TBX4: variants seen among roughly 807,000 people sequenced by gnomAD.
TBX4 encodes T-box transcription factor 4, also known as T-box transcription factor TBX4.
A neutral mutation model predicts 54.6 loss-of-function variants in TBX4; 13 were observed. The ratio of observed to expected loss-of-function variants is 0.24; its 90% CI spans 0.15 to 0.38. The LOEUF is 0.38. Ranked by LOEUF, TBX4 falls within the 10% of genes least tolerant of loss-of-function variation. TBX4 has a pLI of 1.00. For missense variants in TBX4, 631 were observed against 728.5 expected (o/e 0.87, Z 1.54); for synonymous variants, 314 against 306.7 (o/e 1.02, Z -0.25).
rs1165498120 is a variant in TBX4 at position 61,483,234 on chromosome 17, G to A, written c.1359G>A (p.Met453Ile). The A allele has an allele frequency of 6.2e-7, 1 of 1,614,110 alleles. No individual in the cohort carries two copies. The highest frequency in any genetic ancestry group is 2.2e-5 in the East Asian group (1 of 44,872). Residue 453 changes from methionine to isoleucine, a missense_variant, in exon 9 of 9, where the codon ATG (methionine) becomes ATA (isoleucine). By Grantham distance (10) the Met-to-Ile change is conservative. Around this residue, in one of 3 missense-constraint regions of TBX4, gnomAD observed 354 missense variants for 368.9 expected, o/e 0.96. Transcript: ENST00000644296. The surrounding 1 kb of genome is among the most constrained non-coding windows in gnomAD (Gnocchi z 6.6). Reference protein sequence around the residue: ...FPTHFTATTMMPRLPTLSAQS... With the variant: ...FPTHFTATTMIPRLPTLSAQS... ...CGCACTTCACCGCCACCACCATGATGCCGCGGCTGCCCACCCTCTCCGCTC... is the reference window on the plus strand; with the variant it reads ...CGCACTTCACCGCCACCACCATGATACCGCGGCTGCCCACCCTCTCCGCTC...
rs375329209 is a variant in TBX4, at chr17:61,465,932, A to G, written c.395A>G (p.Asn132Ser). 9.9e-6 allele frequency: 16 copies of G among 1,613,872 alleles called. No individual in the cohort carries two copies. The highest frequency in any genetic ancestry group is 1.7e-5 in the Admixed American group (1 of 60,004). ...ADDHRYKFCD[N>S]KWMVAGKAEP... ...GACCATCGCTACAAGTTCTGTGACA[A>G]CAAATGGTAAGTGGACCCTGACCGC... Residue 132 changes from asparagine (N) to serine (S), a missense_variant, in exon 4 of 9, where the codon AAC becomes AGC. This residue lies in a region of TBX4 where 154 missense variants were observed against 238.6 expected (regional missense o/e 0.65). Coordinates refer to ENST00000644296, the MANE Select transcript of TBX4 (RefSeq NM_001321120.2). The surrounding 1 kb of genome is among the most constrained non-coding windows in gnomAD (Gnocchi z 4.9).
intron 5 of TBX4, among the ~76,000 whole-genome samples, chr17:61,468,612 G>T (rs897517839): frequency 6.6e-6 from 1 of 152,214 alleles, no homozygotes; most frequent in Non-Finnish European, 1.5e-5. Flanking sequence ...TATGTAACTG[G>T]CATTGAGCTT....
In TBX4 at chr17:61,459,291, G is replaced by C. The variant is rs577305208; in HGVS notation, c.281+1660G>C. Among the ~76,000 whole-genome samples, 1 of 152,210 alleles carries C rather than the reference G, an allele frequency of 6.6e-6. No individual in the cohort carries two copies. Among genetic ancestry groups the C allele is most frequent in the South Asian group, 2.1e-4 (1 of 4,832 alleles). ...AATGGTGACCGTAGACCTATCTGCTGTCCCTTCCTTTTCTATCACTGTGAA... is the reference window on the plus strand; with the variant it reads ...AATGGTGACCGTAGACCTATCTGCTCTCCCTTCCTTTTCTATCACTGTGAA... On this transcript the variant is annotated intron_variant, in intron 3 of 8. Coordinates refer to ENST00000644296, the MANE Select transcript of TBX4 (RefSeq NM_001321120.2). The surrounding 1 kb of genome is among the most constrained non-coding windows in gnomAD (Gnocchi z 4.8).
intron 4 of TBX4, among the ~76,000 whole-genome samples, chr17:61,466,835 C>G (rs1222870166): frequency 6.6e-6 from 1 of 152,208 alleles, no homozygotes; most frequent in Non-Finnish European, 1.5e-5. Flanking sequence ...GAAGCTCCCT[C>G]TAAATAATAT....
chr17:61,453,658 A>C (rs2060428524), intron 1 of TBX4, among the ~76,000 whole-genome samples: 1 of 152,236 alleles, frequency 6.6e-6, no homozygotes, highest in Non-Finnish European at 1.5e-5. Context: ...AGTATGACAA[A>C]ATAACAAGAA....
At position 61,481,967 on chromosome 17, in the gene TBX4, A is replaced by G. The variant is rs1465131491; in HGVS notation, c.1022-930A>G. The G allele has an allele frequency of 6.6e-6, 1 of 152,288 alleles. No individual in the cohort carries two copies. The highest frequency in any genetic ancestry group is 2.4e-5 in the African/African-American group (1 of 41,438). The allele number at this position is 152,288 out of a possible 1,614,324, so 9.4% of individuals were successfully genotyped here. A position where few individuals can be genotyped will look rare whatever the true frequency, so the allele number is the denominator to read the frequency against. On this transcript the variant is annotated intron_variant, in intron 8 of 8. Coordinates refer to ENST00000644296, the MANE Select transcript of TBX4 (RefSeq NM_001321120.2). The surrounding 1 kb of genome is among the most constrained non-coding windows in gnomAD (Gnocchi z 4.8). Reference sequence around the variant, plus strand: ...TTTTTAGTAGAGATGGGGTTTCACCATGTTGATCAAGCTGGTCTCGAACTC... The same window carrying G: ...TTTTTAGTAGAGATGGGGTTTCACCGTGTTGATCAAGCTGGTCTCGAACTC...
chr17:61,463,390 TGCCGAC>T (rs938819163), intron 3 of TBX4: 29 of 152,454 alleles, frequency 1.9e-4, no homozygotes, highest in African/African-American at 6.5e-4. Flanking sequence ...CCCTTCCCTG[TGCCGAC>T]GCCCACATCT....
chr17:61,463,000 C>T lies in TBX4; in HGVS notation c.282-2819C>T, dbSNP rs984620130. 2.6e-5 allele frequency: 4 copies of T among 152,316 alleles called. No individual in the cohort carries two copies. The highest frequency in any genetic ancestry group is 9.6e-5 in the African/African-American group (4 of 41,474). The allele number at this position is 152,316 out of a possible 1,614,324, so 9.4% of individuals were successfully genotyped here. On this transcript the variant is annotated intron_variant, in intron 3 of 8. Transcript: ENST00000644296. This position sits in a 1 kb window ranked among gnomAD's most constrained non-coding sequence, Gnocchi z 4.5. ...TGCCCAAGGGGCCTTGAATTCTCCC[C>T]TCGACCTGGGCAGGAAGCCAATGGA...
rs112008276 is a variant in TBX4, at chr17:61,480,394, GCC to G, written c.1021+85_1021+86del. 0.15 allele frequency: 141,134 copies of G among 936,086 alleles called. 11,659 individuals are homozygous for G. The highest frequency in any genetic ancestry group is 0.16 in the South Asian group (11,379 of 69,724). 58.0% of individuals were successfully genotyped at this position (936,086 alleles called of 1,614,324 possible). A position where few individuals can be genotyped will look rare whatever the true frequency, so the allele number is the denominator to read the frequency against. ...GTTCTCCCCGAAACCACTCTGCAGCGCCCCCCCCCCCAACACACACACACTCA... is the reference window on the plus strand; with the variant it reads ...GTTCTCCCCGAAACCACTCTGCAGCGCCCCCCCCCAACACACACACACTCA... On this transcript the variant is annotated intron_variant, in intron 8 of 8. Coordinates refer to ENST00000644296, the MANE Select transcript of TBX4 (RefSeq NM_001321120.2). The surrounding 1 kb of genome is among the most constrained non-coding windows in gnomAD (Gnocchi z 6.2).
chr17:61,469,789 C>G (rs1470364655), intron 5 of TBX4, among the ~76,000 whole-genome samples: 3 of 152,240 alleles, frequency 2.0e-5, no homozygotes, highest in African/African-American at 4.8e-5. Context: ...TGATTTTCTT[C>G]TGCCTCTTGG....
chr17:61,457,412 C>A lies in TBX4; in HGVS notation c.187-125C>A. 1.3e-6 allele frequency: 1 copy of A among 799,660 alleles called. No homozygotes were observed. Among genetic ancestry groups the A allele is most frequent in the South Asian group, 1.5e-5 (1 of 68,102 alleles). The allele number at this position is 799,660 out of a possible 1,614,324, so 49.5% of individuals were successfully genotyped here. A position where few individuals can be genotyped will look rare whatever the true frequency, so the allele number is the denominator to read the frequency against. ...TCAAAATCGTTCTGTGAAACGAAAT[C>A]TGGAGCCATGGGCTCCGGGCGGGCA... On this transcript the variant is annotated intron_variant, in intron 2 of 8. Transcript: ENST00000644296. This position sits in a 1 kb window ranked among gnomAD's most constrained non-coding sequence, Gnocchi z 8.2.
chr17:61,482,874 C>G, intron 8 of TBX4, 23 bp from the exon 9 acceptor site: 1 of 1,612,018 alleles, frequency 6.2e-7, no homozygotes, highest in Non-Finnish European at 8.5e-7. Flanking sequence ...ATGGTTCTTC[C>G]TGAATGTTAC....
rs2060478217 is a variant in TBX4 at position 61,459,375 on chromosome 17, G to C, written c.281+1744G>C. On this transcript the variant is annotated intron_variant, in intron 3 of 8. Coordinates refer to ENST00000644296, the MANE Select transcript of TBX4 (RefSeq NM_001321120.2). This position sits in a 1 kb window ranked among gnomAD's most constrained non-coding sequence, Gnocchi z 4.8. ...GTAAATGGATAATCCACTTGATCAA[G>C]TGCGAAGGGGAATGGGGCTATTTCT... Among the ~76,000 whole-genome samples the C allele has an allele frequency of 6.6e-6, 1 of 152,236 alleles. No homozygotes were observed. Among genetic ancestry groups the C allele is most frequent in the South Asian group, 2.1e-4 (1 of 4,828 alleles).
At chr17:61,466,716 C>T (rs1015819450) in intron 4 of TBX4, among the ~76,000 whole-genome samples, 2 of 152,222 alleles carry the variant, frequency 1.3e-5, no homozygotes, top group South Asian at 2.1e-4. Context: ...TTTCTTCTCC[C>T]TCTCTGGGCT....
chr17:61,455,033 C>G (rs1204388734), intron 1 of TBX4, among the ~76,000 whole-genome samples: 1 of 152,216 alleles, frequency 6.6e-6, no homozygotes, highest in East Asian at 1.9e-4. Context: ...CGCGTTCGCA[C>G]GTGGCCCGAG....
intron 5 of TBX4, among the ~76,000 whole-genome samples, 179 bp downstream of exon 5, chr17:61,467,836 TC>T (rs1010517359): frequency 4.6e-5 from 7 of 152,228 alleles, no homozygotes; most frequent in African/African-American, 7.2e-5. Context: ...TGGACTTCCT[TC>T]CCGGCCACTT....
At position 61,457,844 on chromosome 17, in the gene TBX4, C is replaced by G. The variant is rs1194828412; in HGVS notation, c.281+213C>G. Among the ~76,000 whole-genome samples the G allele has an allele frequency of 6.6e-6, 1 of 152,190 alleles. No homozygotes were observed. The highest frequency in any genetic ancestry group is 2.4e-5 in the African/African-American group (1 of 41,454). On this transcript the variant is annotated intron_variant, in intron 3 of 8. Transcript: ENST00000644296. The surrounding 1 kb of genome is among the most constrained non-coding windows in gnomAD (Gnocchi z 8.2). ...GCCGCGCGGGCCTTGCGGGAAAGAC[C>G]GAGGGGAGGGGCAGCGCTATGCAAA...
rs1216023585 is a variant in TBX4, at chr17:61,464,665, A to T, written c.282-1154A>T. Reference sequence around the variant, plus strand: ...TGTGGAAGATCAGCTGGGGTGGGGGATGGAGTCTGAGGAGGATCGTGGGAA... The same window carrying T: ...TGTGGAAGATCAGCTGGGGTGGGGGTTGGAGTCTGAGGAGGATCGTGGGAA... On this transcript the variant is annotated intron_variant, in intron 3 of 8. Coordinates refer to ENST00000644296, the MANE Select transcript of TBX4 (RefSeq NM_001321120.2). This position sits in a 1 kb window ranked among gnomAD's most constrained non-coding sequence, Gnocchi z 5.8. 6.6e-6 allele frequency among the ~76,000 whole-genome samples: 1 copy of T among 151,908 alleles called. No homozygotes were observed. Among genetic ancestry groups the T allele is most frequent in the African/African-American group, 2.4e-5 (1 of 41,328 alleles).
At position 61,479,821 on chromosome 17, in the gene TBX4, G is replaced by A; in HGVS notation, c.703-60G>A. On this transcript the variant is annotated intron_variant, in intron 6 of 8. Transcript: ENST00000644296. This position sits in a 1 kb window ranked among gnomAD's most constrained non-coding sequence, Gnocchi z 6.1. ...ATGTTATGATCCCATTTACAAATGTGGAAACTGAGACACATTTGTGTGCCT... is the reference window on the plus strand; with the variant it reads ...ATGTTATGATCCCATTTACAAATGTAGAAACTGAGACACATTTGTGTGCCT... 1 of 1,545,588 alleles carries A rather than the reference G, an allele frequency of 6.5e-7. No homozygotes were observed. Among genetic ancestry groups the A allele is most frequent in the Non-Finnish European group, 8.9e-7 (1 of 1,117,546 alleles).
Sources: gnomAD v4.1 joint callset for allele counts (sites outside exome capture counted in the v4.1 genomes callset) on GRCh38, gnomAD v4.1.1 for gene constraint, gnomAD v4.1.1 regional missense constraint, Gnocchi (gnomAD v3.1) non-coding constraint, MANE v1.5 for transcripts, NCBI Gene and HGNC (gene_info 2026-07-23, HGNC 2026-07-21) for gene names.